Variants in VWF observed in about 807,000 individuals in gnomAD.
VWF encodes von Willebrand factor.
A neutral mutation model predicts 308.6 loss-of-function variants in VWF; 176 were observed. The ratio of observed to expected loss-of-function variants is 0.57; its 90% CI spans 0.50 to 0.65. The LOEUF (loss-of-function observed/expected upper bound fraction) is 0.65. Among genes scored for constraint, VWF ranks in the 30% least tolerant of loss-of-function variants. The pLI, the probability that VWF is intolerant of heterozygous loss-of-function variation, is 0.00. For synonymous variants in VWF, 1,385 were observed against 1,443.4 expected (o/e 0.96, Z 0.92); for missense variants, 3,146 against 3,648.2 (o/e 0.86, Z 3.55).
At chr12:5,971,803 T>C in intron 43 of VWF, 94 bp from the exon 44 acceptor site, 2 of 1,110,224 alleles carry the variant, frequency 1.8e-6, no homozygotes, top group South Asian at 1.3e-5. Flanking sequence ...CCTGGGGTTG[T>C]GCCAAGTGAT....
At chr12:5,985,973 T>C (rs1023119819) in intron 38 of VWF, among the ~76,000 whole-genome samples, 3 of 152,232 alleles carry the variant, frequency 2.0e-5, no homozygotes, top group African/African-American at 7.2e-5. Flanking sequence ...CTGCTAGTCA[T>C]TTCTCAAGCC....
At chr12:6,108,334 T>TATATACACACACACAC (rs374693235) in intron 5 of VWF, among the ~76,000 whole-genome samples, 14 of 124,194 alleles carry the variant, frequency 1.1e-4, no homozygotes, top group East Asian at 4.6e-4. Flanking sequence ...AAGAAATATA[T>TATATACACACACACAC]ACACACACAC....
chr12:6,096,528 G>A lies in VWF; in HGVS notation c.533-944C>T, dbSNP rs1945107519. Among the ~76,000 whole-genome samples the A allele has an allele frequency of 2.0e-5, 3 of 151,808 alleles. No individual in the cohort carries two copies. The South Asian group carries it at 6.2e-4, about 31-fold the overall frequency. Reference sequence around the variant, plus strand: ...ATTCAACTGTGAGCTCCTTACTTAAGGGTATGGGCTGTGTCTCTTATCTCT... The same window carrying A: ...ATTCAACTGTGAGCTCCTTACTTAAAGGTATGGGCTGTGTCTCTTATCTCT... On this transcript the variant is annotated intron_variant, in intron 5 of 51. Transcript: ENST00000261405.
intron 3 of VWF, among the ~76,000 whole-genome samples, chr12:6,117,075 A>G (rs967132626): frequency 6.6e-6 from 1 of 152,172 alleles, no homozygotes; most frequent in African/African-American, 2.4e-5. Flanking sequence ...ACAAGAGGCA[A>G]AGCAGCCACC....
chr12:6,023,834 G>A lies in VWF; in HGVS notation c.3223-47C>T, dbSNP rs4021577. On this transcript the variant is annotated intron_variant, in intron 24 of 51. Coordinates refer to ENST00000261405, the MANE Select transcript of VWF (RefSeq NM_000552.5). ...GCCCAGGCCTATGGCCAGGTGTCAG[G>A]AACTCTGGCTCTTAGTCTGGGTGCA... 18 of 1,603,972 alleles carry A rather than the reference G, an allele frequency of 1.1e-5. No homozygotes were observed. The African/African-American group carries it at 1.9e-4, about 17-fold the overall frequency.
intron 3 of VWF, among the ~76,000 whole-genome samples, chr12:6,111,744 A>G (rs919078013): frequency 6.6e-6 from 1 of 151,988 alleles, no homozygotes; most frequent in African/African-American, 2.4e-5. Flanking sequence ...AGGTCAGGAG[A>G]TCGAGACCAT....
chr12:6,095,479 G>C lies in VWF; in HGVS notation c.638C>G (p.Ser213Cys). The C allele has an allele frequency of 6.2e-7, 1 of 1,614,114 alleles. No individual in the cohort carries two copies. The highest frequency in any genetic ancestry group is 8.5e-7 in the Non-Finnish European group (1 of 1,179,996). ...ACCCACCTTCTGCATTTCCCCAGAG[G>C]AGATGTTGCATGAGCTGCTGGGAGG... is the stretch of plus-strand genomic sequence containing the variant. ...ASPPSSSCNI[S>C]SGEMQKGLWE... Residue 213 changes from serine to cysteine, a missense_variant, in exon 6 of 52, where the codon TCC (serine) becomes TGC (cysteine). Coordinates refer to ENST00000261405, the MANE Select transcript of VWF (RefSeq NM_000552.5).
intron 42 of VWF, among the ~76,000 whole-genome samples, chr12:5,980,135 G>GAAGGAAGA (rs1555191363): frequency 8.5e-5 from 9 of 105,744 alleles, no homozygotes; most frequent in African/African-American, 3.0e-4. Flanking sequence ...AGGAAGGAAG[G>GAAGGAAGA]AAGAAAGGAG....
intron 47 of VWF, among the ~76,000 whole-genome samples, chr12:5,964,778 G>C (rs1312488373): frequency 6.6e-6 from 1 of 152,214 alleles, no homozygotes; most frequent in East Asian, 1.9e-4. Flanking sequence ...CACAGCAGGA[G>C]GCAGAGGGCA....
intron 41 of VWF, among the ~76,000 whole-genome samples, chr12:5,982,320 C>A (rs1436115427): frequency 2.0e-5 from 3 of 152,104 alleles, no homozygotes; most frequent in Non-Finnish European, 4.4e-5. Flanking sequence ...TGTAGAATCT[C>A]TAAGTCCAGT....
At chr12:6,030,552 G>T (rs1944249422) in intron 21 of VWF, among the ~76,000 whole-genome samples, 1 of 152,142 alleles carries the variant, frequency 6.6e-6, no homozygotes, top group Admixed American at 6.5e-5. Context: ...GCCTGGGGAT[G>T]ACCTGCAACT....
intron 11 of VWF, among the ~76,000 whole-genome samples, 184 bp from the exon 12 acceptor site, chr12:6,064,568 G>T (rs1042864571): frequency 6.6e-6 from 1 of 152,170 alleles, no homozygotes; most frequent in African/African-American, 2.4e-5. Flanking sequence ...CAGCAAGAAG[G>T]CTTGCTAAGT....
In VWF at chr12:5,948,879, T is replaced by C. The variant is rs1389417388; in HGVS notation, c.*136A>G. On this transcript the variant is annotated 3_prime_UTR_variant, in exon 52 of 52. Transcript: ENST00000261405. This position sits in a 1 kb window ranked among gnomAD's most constrained non-coding sequence, Gnocchi z 4.4. ...TACGACACAGTGCACCAGCAGCCTTTTGCAAGATAAGAGCTCAGCCTTTAT... is the reference window on the plus strand; with the variant it reads ...TACGACACAGTGCACCAGCAGCCTTCTGCAAGATAAGAGCTCAGCCTTTAT... 2.7e-6 allele frequency: 3 copies of C among 1,093,538 alleles called. No individual in the cohort carries two copies. The highest frequency in any genetic ancestry group is 2.0e-5 in the Admixed American group (1 of 49,854). The allele number at this position is 1,093,538 out of a possible 1,614,324, so 67.7% of individuals were successfully genotyped here. A position where few individuals can be genotyped will look rare whatever the true frequency, so the allele number is the denominator to read the frequency against.
Position 6,013,276 on chromosome 12 carries a change from C to G in VWF, c.5620+205G>C, listed in dbSNP as rs113847134. ...TGGAAATAGGACCATACACAGAAAG[C>G]TTTCTGCTGGCCCCATGGGGGCTTG... On this transcript the variant is annotated intron_variant, in intron 32 of 51. Coordinates refer to ENST00000261405, the MANE Select transcript of VWF (RefSeq NM_000552.5). Among the ~76,000 whole-genome samples the G allele has an allele frequency of 3.0e-3, 464 of 152,304 alleles. 1 individual carries two copies. Among genetic ancestry groups the G allele is most frequent in the African/African-American group, 0.011 (451 of 41,568 alleles).
At chr12:6,017,066 T>G (rs1485964479) in intron 28 of VWF, among the ~76,000 whole-genome samples, 196 bp from the exon 29 acceptor site, 1 of 152,154 alleles carries the variant, frequency 6.6e-6, no homozygotes, top group Non-Finnish European at 1.5e-5. Context: ...AGTTCCTGGG[T>G]CCGGACTACC....
intron 15 of VWF, among the ~76,000 whole-genome samples, chr12:6,055,456 C>T (rs1944565959): frequency 6.6e-6 from 1 of 152,116 alleles, no homozygotes; most frequent in Non-Finnish European, 1.5e-5. Context: ...CCAGTAAGGA[C>T]CCAGACCCAG....
Position 6,036,442 on chromosome 12 carries a change from T to A in VWF, c.2492A>T (p.His831Leu). 6.2e-7 allele frequency: 1 copy of A among 1,614,214 alleles called. No homozygotes were observed. Among genetic ancestry groups the A allele is most frequent in the East Asian group, 2.2e-5 (1 of 44,884 alleles). Residue 831 changes from histidine to leucine, a missense_variant, in exon 19 of 52, where the codon CAT (histidine) becomes CTT (leucine). His to Leu is a moderately conservative substitution (Grantham distance 99). This residue lies in a region of VWF where 1,304 missense variants were observed against 1,353.0 expected (regional missense o/e 0.96). Coordinates refer to ENST00000261405, the MANE Select transcript of VWF (RefSeq NM_000552.5). The stretch of plus-strand genomic sequence containing the variant: ...TCCAGGGGCATACTCCTTGCCCTGA[T>A]GGAAGCAGGGACACCTTTCCAGGGC... ...CVALERCPCF[H>L]QGKEYAPGET... is the part of the protein sequence containing the mutation.
At chr12:6,070,033 T>C (rs777788886) in intron 10 of VWF, among the ~76,000 whole-genome samples, 2 of 152,256 alleles carry the variant, frequency 1.3e-5, no homozygotes, top group Non-Finnish European at 2.9e-5. Flanking sequence ...CCATCCACTG[T>C]GGCTCACAGA....
At chr12:5,951,548 G>A (rs573453235) in intron 50 of VWF, among the ~76,000 whole-genome samples, 59 of 152,284 alleles carry the variant, frequency 3.9e-4, no homozygotes, top group African/African-American at 1.4e-3. Flanking sequence ...GAGGGAAAAG[G>A]CACATAAGAA....
Sources: gnomAD v4.1 joint callset for allele counts (sites outside exome capture counted in the v4.1 genomes callset) on GRCh38, gnomAD v4.1.1 for gene constraint, gnomAD v4.1.1 regional missense constraint, Gnocchi (gnomAD v3.1) non-coding constraint, MANE v1.5 for transcripts, NCBI Gene and HGNC (gene_info 2026-07-23, HGNC 2026-07-21) for gene names.